The following KCNH8 variants were observed in gnomAD, a reference collection of about 807,000 sequenced individuals.
The protein encoded by KCNH8 is voltage-gated delayed rectifier potassium channel KCNH8.
KCNH8 carries 70 observed loss-of-function variants against 103.6 expected under a neutral mutation model. The observed-to-expected ratio is 0.68, with a 90% CI of 0.56 to 0.82. The LOEUF (loss-of-function observed/expected upper bound fraction) is 0.82, where lower values mean the gene tolerates loss of function less well. KCNH8 is among the 40% of genes least tolerant of loss of function. The pLI is 0.00. For synonymous variants in KCNH8, 498 were observed against 489.4 expected (o/e 1.02, Z -0.23); for missense variants, 1,217 against 1,329.9 (o/e 0.92, Z 1.32).
At chr3:19,327,124 C>G (rs937582889) in intron 3 of KCNH8, among the ~76,000 whole-genome samples, 1 of 152,230 alleles carries the variant, frequency 6.6e-6, no homozygotes, top group African/African-American at 2.4e-5. Flanking sequence ...ATGGAAGCTG[C>G]GTAAGTCCAG....
intron 14 of KCNH8, among the ~76,000 whole-genome samples, 157 bp downstream of exon 14, chr3:19,515,585 AT>A (rs2068861125): frequency 6.6e-6 from 1 of 151,074 alleles, no homozygotes; most frequent in East Asian, 2.0e-4. Flanking sequence ...ACATGAGTTT[AT>A]GCCATTTCCA....
chr3:19,438,204 C>T lies in KCNH8; in HGVS notation c.1218C>T (p.Tyr406=), dbSNP rs375136812. Residue 406 remains tyrosine, a synonymous_variant, in exon 8 of 16, where the codon TAC becomes TAT. Coordinates refer to ENST00000328405, the MANE Select transcript of KCNH8 (RefSeq NM_144633.3). ...TGGGAAAGAGACTGGAATCTCCATA[C>T]TATGGCAACAATACCTTGGGGGGCC... ...HELGKRLESP[Y]YGNNTLGGPS... is the part of the protein sequence containing the mutation. The T allele has an allele frequency of 6.8e-6, 11 of 1,613,972 alleles. No homozygotes were observed. The African/African-American group carries it at 1.2e-4, about 18-fold the overall frequency.
chr3:19,245,313 C>T (rs2064190429), intron 1 of KCNH8, among the ~76,000 whole-genome samples: 1 of 152,084 alleles, frequency 6.6e-6, no homozygotes, highest in Non-Finnish European at 1.5e-5. Context: ...TTCCATTGGT[C>T]TATGTGTCTG....
chr3:19,148,687 CTT>C lies in KCNH8; in HGVS notation c.-31_-30del, dbSNP rs770982032. 12 of 1,607,358 alleles carry C rather than the reference CTT, an allele frequency of 7.5e-6. No individual in the cohort carries two copies. Among genetic ancestry groups the C allele is most frequent in the South Asian group, 2.2e-5 (2 of 91,004 alleles). On this transcript the variant is annotated 5_prime_UTR_variant, in exon 1 of 16. Transcript: ENST00000328405. ...CTTTCGAACCATCCTTCTGGACAAA[CTT>C]TGATGGAGAATTTCACACCACGCTG...
At chr3:19,520,505 C>T (rs979265195) in intron 15 of KCNH8, among the ~76,000 whole-genome samples, 3 of 151,906 alleles carry the variant, frequency 2.0e-5, no homozygotes, top group African/African-American at 7.2e-5. Flanking sequence ...AAAATTATCC[C>T]TCTTCTAACC....
At chr3:19,308,323 G>A (rs903008788) in intron 3 of KCNH8, among the ~76,000 whole-genome samples, 2 of 150,898 alleles carry the variant, frequency 1.3e-5, no homozygotes, top group African/African-American at 4.9e-5. Flanking sequence ...GAATTCATAT[G>A]GCCTACTATC....
At chr3:19,444,379 AG>A (rs1273488442) in intron 8 of KCNH8, among the ~76,000 whole-genome samples, 2 of 152,036 alleles carry the variant, frequency 1.3e-5, no homozygotes, top group African/African-American at 4.8e-5. Context: ...ACCTAAATTT[AG>A]GAGGGAAAAC....
At chr3:19,151,414 G>A (rs1240103605) in intron 1 of KCNH8, among the ~76,000 whole-genome samples, 1 of 151,588 alleles carries the variant, frequency 6.6e-6, no homozygotes, top group African/African-American at 2.4e-5. Context: ...TATATTTTAC[G>A]GTCATGCTAG....
intron 3 of KCNH8, among the ~76,000 whole-genome samples, chr3:19,326,041 T>G (rs2125306823): frequency 6.6e-6 from 1 of 152,114 alleles, no homozygotes; most frequent in South Asian, 2.1e-4. Context: ...GCAGGGACAT[T>G]GTTGAGGCTG....
At chr3:19,350,475 C>T (rs537460468) in intron 5 of KCNH8, among the ~76,000 whole-genome samples, 7 of 152,206 alleles carry the variant, frequency 4.6e-5, no homozygotes, top group Non-Finnish European at 8.8e-5. Context: ...GAGATACTTC[C>T]CAGTAGGGGC....
chr3:19,174,683 G>T (rs2063380388), intron 1 of KCNH8, among the ~76,000 whole-genome samples: 1 of 152,068 alleles, frequency 6.6e-6, no homozygotes, highest in South Asian at 2.1e-4. Flanking sequence ...CACGCTTTTG[G>T]ATATAATTAT....
intron 5 of KCNH8, among the ~76,000 whole-genome samples, chr3:19,387,188 G>A (rs1266971666): frequency 1.3e-5 from 2 of 152,072 alleles, no homozygotes; most frequent in Non-Finnish European, 2.9e-5. Context: ...ATTTAATTCT[G>A]TGACCCTAAT....
chr3:19,513,292 T>C lies in KCNH8; in HGVS notation c.2402T>C (p.Leu801Ser). 2 of 1,610,638 alleles carry C rather than the reference T, an allele frequency of 1.2e-6. No individual in the cohort carries two copies. Among genetic ancestry groups the C allele is most frequent in the Non-Finnish European group, 1.7e-6 (2 of 1,178,644 alleles). ...EKNLKLQLST[L>S]NNAGPPDLSP... is the part of the protein sequence containing the mutation. ...AACTTGAAATTGCAACTTTCAACTTTGAATAATGCTGGACCCCCAGACCTC... is the reference window on the plus strand; with the variant it reads ...AACTTGAAATTGCAACTTTCAACTTCGAATAATGCTGGACCCCCAGACCTC... The change falls in exon 13 of 16, where the codon TTG becomes TCG. Residue 801 changes from leucine (L) to serine (S), a missense_variant. Physicochemically the swap from Leu to Ser is moderately radical, Grantham distance 145. Around this residue, in one of 3 missense-constraint regions of KCNH8, gnomAD observed 558 missense variants for 495.8 expected, o/e 1.13. Coordinates refer to ENST00000328405, the MANE Select transcript of KCNH8 (RefSeq NM_144633.3).
chr3:19,513,844 T>A (rs1180594089), intron 13 of KCNH8, among the ~76,000 whole-genome samples: 1 of 152,144 alleles, frequency 6.6e-6, no homozygotes, highest in Non-Finnish European at 1.5e-5. Flanking sequence ...CATTTTTCAT[T>A]TCTTAAAAAT....
In KCNH8 at chr3:19,354,027, T is replaced by A. The variant is rs564949082; in HGVS notation, c.811+6062T>A. 3.9e-5 allele frequency among the ~76,000 whole-genome samples: 6 copies of A among 152,308 alleles called. No homozygotes were observed. In the East Asian group the frequency reaches 1.2e-3, roughly 29 times the overall value. ...AATCTCGTTAAGCTGATAAGCAACT[T>A]CAGCAAAGTCTCAGAATACAAAATC... On this transcript the variant is annotated intron_variant, in intron 5 of 15. Transcript: ENST00000328405.
intron 3 of KCNH8, among the ~76,000 whole-genome samples, chr3:19,287,572 T>G (rs1206339977): frequency 2.0e-5 from 3 of 150,668 alleles, no homozygotes; most frequent in Admixed American, 6.6e-5. Flanking sequence ...CAGTCCACTT[T>G]TTGTTGTTGT....
intron 2 of KCNH8, among the ~76,000 whole-genome samples, chr3:19,261,764 T>C (rs1188390120): frequency 6.6e-6 from 1 of 151,822 alleles, no homozygotes; most frequent in Non-Finnish European, 1.5e-5. Context: ...TTTTTATTGA[T>C]TTTCAGTTGA....
chr3:19,279,943 C>T (rs112828036), intron 2 of KCNH8, among the ~76,000 whole-genome samples: 1 of 151,998 alleles, frequency 6.6e-6, no homozygotes, highest in African/African-American at 2.4e-5. Context: ...GAAATCAACA[C>T]CCAAATAAGA....
At chr3:19,465,609 C>A (rs1180319854) in intron 11 of KCNH8, among the ~76,000 whole-genome samples, 1 of 151,724 alleles carries the variant, frequency 6.6e-6, no homozygotes, top group East Asian at 1.9e-4. Context: ...AAAGCTATAG[C>A]TGCCATAGAT....
Sources: allele counts gnomAD v4.1 joint callset (sites outside exome capture counted in the v4.1 genomes callset), GRCh38; gene constraint gnomAD v4.1.1; regional missense constraint gnomAD v4.1.1; transcripts MANE v1.5; gene names NCBI Gene and HGNC (gene_info 2026-07-23, HGNC 2026-07-21).